The following OGDH variants were observed in gnomAD, a reference collection of about 807,000 sequenced individuals.
OGDH encodes oxoglutarate dehydrogenase.
Under a neutral mutation model 116.6 loss-of-function variants are expected in OGDH, and 38 were observed. The ratio of observed to expected loss-of-function variants is 0.33; its 90% CI spans 0.25 to 0.43. The LOEUF (loss-of-function observed/expected upper bound fraction) is 0.43, where lower values mean the gene tolerates loss of function less well. OGDH is among the 20% of genes least tolerant of loss of function. The pLI is 1.00. For synonymous variants in OGDH, 488 were observed against 533.3 expected (o/e 0.92, Z 1.17); for missense variants, 825 against 1,357.2 (o/e 0.61, Z 6.16).
intron 12 of OGDH, among the ~76,000 whole-genome samples, chr7:44,695,227 C>T (rs1339085963): frequency 6.6e-6 from 1 of 152,110 alleles, no homozygotes; most frequent in Non-Finnish European, 1.5e-5. Flanking sequence ...TCCCAAGTAC[C>T]TGGGATTACA....
intron 9 of OGDH, chr7:44,676,635 T>C (rs1787715382): frequency 5.6e-6 from 1 of 177,846 alleles, no homozygotes; most frequent in Non-Finnish European, 1.1e-5. Flanking sequence ...TATATATATA[T>C]ATATATTTAA....
At position 44,645,473 on chromosome 7, in the gene OGDH, C is replaced by A; in HGVS notation, c.369C>A (p.Leu123=). The change falls in exon 3 of 23, where the codon CTC becomes CTA. Residue 123 remains leucine, a synonymous_variant. Coordinates refer to ENST00000222673, the MANE Select transcript of OGDH (RefSeq NM_002541.4). ...AAGCACAGCCCAACGTGGACAAGCT[C>A]GTGGAGGACCACCTGGCAGTGCAGT... ...LVEAQPNVDK[L]VEDHLAVQSL... 1 of 1,614,166 alleles carries A rather than the reference C, an allele frequency of 6.2e-7. No individual in the cohort carries two copies. Among genetic ancestry groups the A allele is most frequent in the Non-Finnish European group, 8.5e-7 (1 of 1,180,034 alleles).
At chr7:44,634,655 C>A (rs1231579230) in intron 2 of OGDH, among the ~76,000 whole-genome samples, 1 of 152,120 alleles carries the variant, frequency 6.6e-6, no homozygotes, top group African/African-American at 2.4e-5. Context: ...AAATAGAAGC[C>A]CATTCTTAAC....
Position 44,697,329 on chromosome 7 carries a change from AG to A in OGDH, c.2052-40del, listed in dbSNP as rs768517213. ...GGGTCCCCAGCGTATTTGCTTGTCA[AG>A]TCAGAGCTCCTAATTATTACCTCTG... On this transcript the variant is annotated intron_variant, in intron 15 of 22. Transcript: ENST00000222673. This position sits in a 1 kb window ranked among gnomAD's most constrained non-coding sequence, Gnocchi z 6.0. 5.3e-5 allele frequency: 86 copies of A among 1,612,688 alleles called. No homozygotes were observed. The highest frequency in any genetic ancestry group is 7.1e-5 in the Non-Finnish European group (84 of 1,179,052).
At chr7:44,674,202 G>A (rs1452017989) in intron 6 of OGDH, among the ~76,000 whole-genome samples, 5 of 152,140 alleles carry the variant, frequency 3.3e-5, no homozygotes, top group Non-Finnish European at 5.9e-5. Context: ...ACACCACCAC[G>A]GCTGGCTAAT....
At chr7:44,704,720 T>G (rs1283068129) in intron 20 of OGDH, among the ~76,000 whole-genome samples, 3 of 152,092 alleles carry the variant, frequency 2.0e-5, no homozygotes, top group Non-Finnish European at 4.4e-5. Flanking sequence ...TTGTTTTTTG[T>G]TTTTTTCCGA....
chr7:44,656,259 A>G, intron 4 of OGDH: 1 of 1,520,222 alleles, frequency 6.6e-7, no homozygotes. Flanking sequence ...TTTTTAAACT[A>G]ACTCTCACCT....
At chr7:44,638,923 G>A (rs997796711) in intron 2 of OGDH, among the ~76,000 whole-genome samples, 1 of 152,232 alleles carries the variant, frequency 6.6e-6, no homozygotes, top group East Asian at 1.9e-4. Context: ...CCCCAGGATG[G>A]GGACAGACAG....
intron 5 of OGDH, among the ~76,000 whole-genome samples, chr7:44,673,283 A>C (rs1585336291): frequency 6.6e-6 from 1 of 152,144 alleles, no homozygotes; most frequent in East Asian, 1.9e-4. Flanking sequence ...GCGCTACTGC[A>C]CTCCCGCCTC....
chr7:44,685,829 G>T (rs1788104408), intron 10 of OGDH, among the ~76,000 whole-genome samples: 1 of 151,544 alleles, frequency 6.6e-6, no homozygotes, highest in Non-Finnish European at 1.5e-5. Flanking sequence ...TCTCTATGTT[G>T]CCCAGGCTGC....
intron 2 of OGDH, among the ~76,000 whole-genome samples, chr7:44,640,468 T>C (rs1430773970): frequency 6.6e-6 from 1 of 152,160 alleles, no homozygotes; most frequent in Non-Finnish European, 1.5e-5. Flanking sequence ...TGTTTTACTA[T>C]TTTAATTGTT....
intron 9 of OGDH, among the ~76,000 whole-genome samples, chr7:44,679,983 A>G: frequency 6.6e-6 from 1 of 152,232 alleles, no homozygotes; most frequent in East Asian, 1.9e-4. Flanking sequence ...GGCTGAGGCA[A>G]GAGGAGTGCT....
At chr7:44,641,582 G>T (rs1354718743) in intron 2 of OGDH, among the ~76,000 whole-genome samples, 4 of 152,160 alleles carry the variant, frequency 2.6e-5, no homozygotes, top group Non-Finnish European at 4.4e-5. Flanking sequence ...GTGCAGGGGT[G>T]GGATACAGCC....
In OGDH at chr7:44,637,794, G is replaced by A. The variant is rs910658125; in HGVS notation, c.223-7533G>A. 2.0e-5 allele frequency among the ~76,000 whole-genome samples: 3 copies of A among 151,794 alleles called. No individual in the cohort carries two copies. In the East Asian group the frequency reaches 5.8e-4, roughly 29 times the overall value. ...AGATCACGCCACTGCACTCCAGCCC[G>A]GGCGATAGAGCCAGACTCTGTCTCA... On this transcript the variant is annotated intron_variant, in intron 2 of 22. Coordinates refer to ENST00000222673, the MANE Select transcript of OGDH (RefSeq NM_002541.4).
chr7:44,696,406 C>T (rs751472279), intron 13 of OGDH, 23 bp from the exon 14 acceptor site: 13 of 1,606,492 alleles, frequency 8.1e-6, no homozygotes, highest in Non-Finnish European at 2.5e-6. Flanking sequence ...GATGTCATGC[C>T]TCAGTTGTTC....
At chr7:44,655,694 T>C (rs1786659795) in intron 4 of OGDH, among the ~76,000 whole-genome samples, 1 of 152,218 alleles carries the variant, frequency 6.6e-6, no homozygotes. Context: ...CTGTTATGTA[T>C]AGTAGAAATC....
At chr7:44,675,083 G>A (rs886595947) in intron 7 of OGDH, 95 bp from the exon 8 acceptor site, 11 of 961,324 alleles carry the variant, frequency 1.1e-5, no homozygotes, top group Admixed American at 9.4e-5. Context: ...GCCGTGTCCT[G>A]GGGGGAGGGG....
intron 18 of OGDH, 37 bp downstream of exon 18, chr7:44,698,300 G>T (rs538882744): frequency 6.2e-7 from 1 of 1,606,570 alleles, no homozygotes; most frequent in Non-Finnish European, 8.5e-7. Flanking sequence ...AGCCATTCTC[G>T]GGGTGTCTGG....
chr7:44,640,701 GT>G (rs940150026), intron 2 of OGDH, among the ~76,000 whole-genome samples: 1 of 152,096 alleles, frequency 6.6e-6, no homozygotes, highest in African/African-American at 2.4e-5. Flanking sequence ...GTTTAATAAA[GT>G]TTGGGTTGTG....
Sources: gnomAD v4.1 joint callset for allele counts (sites outside exome capture counted in the v4.1 genomes callset) on GRCh38, gnomAD v4.1.1 for gene constraint, Gnocchi (gnomAD v3.1) non-coding constraint, MANE v1.5 for transcripts, NCBI Gene and HGNC (gene_info 2026-07-23, HGNC 2026-07-21) for gene names.